Variants in NPAS2 observed in about 807,000 individuals in gnomAD.
NPAS2 encodes neuronal PAS domain protein 2.
A neutral mutation model predicts 107.5 loss-of-function variants in NPAS2; 23 were observed. The observed-to-expected ratio is 0.21, with a 90% CI of 0.15 to 0.30. NPAS2 has a LOEUF of 0.30. Among genes scored for constraint, NPAS2 ranks in the 10% least tolerant of loss-of-function variants. The pLI, the probability that NPAS2 is intolerant of heterozygous loss-of-function variation, is 1.00. For synonymous variants in NPAS2, 403 were observed against 417.5 expected (o/e 0.97, Z 0.42); for missense variants, 756 against 1,043.3 (o/e 0.72, Z 3.79).
rs1048079102 is a variant in NPAS2 at position 100,989,921 on chromosome 2, C to T, written c.1828-335C>T. 1.5e-5 allele frequency: 4 copies of T among 258,740 alleles called. No homozygotes were observed. In the East Asian group the frequency reaches 3.3e-4, roughly 21 times the overall value. 16.0% of individuals were successfully genotyped at this position (258,740 alleles called of 1,614,324 possible). On this transcript the variant is annotated intron_variant, in intron 17 of 20. Transcript: ENST00000335681. ...AGAGCATTCTACAGAGCAGTCAGCTCGTGCAAAGGCCCTAGGGCAGGAGTA... is the reference window on the plus strand; with the variant it reads ...AGAGCATTCTACAGAGCAGTCAGCTTGTGCAAAGGCCCTAGGGCAGGAGTA...
At chr2:100,922,749 A>T (rs1216392701) in intron 2 of NPAS2, among the ~76,000 whole-genome samples, 1 of 152,124 alleles carries the variant, frequency 6.6e-6, no homozygotes, top group Non-Finnish European at 1.5e-5. Context: ...TAGCAGTGGA[A>T]CCAGCTGACA....
chr2:100,985,263 C>T (rs998944095), intron 16 of NPAS2: 1 of 152,904 alleles, frequency 6.5e-6, no homozygotes, highest in African/African-American at 2.4e-5. Flanking sequence ...TCCATCCAGC[C>T]GCCATCTGTC....
At chr2:100,913,627 T>C (rs910568151) in intron 2 of NPAS2, among the ~76,000 whole-genome samples, 1 of 152,170 alleles carries the variant, frequency 6.6e-6, no homozygotes, top group African/African-American at 2.4e-5. Context: ...CTAGGAATGA[T>C]AGTTTTTCCC....
chr2:100,905,698 C>G (rs1393379569), intron 2 of NPAS2, among the ~76,000 whole-genome samples: 3 of 152,212 alleles, frequency 2.0e-5, no homozygotes, highest in African/African-American at 7.2e-5. Context: ...GCCTCTGCCA[C>G]TGCTTGTGTG....
At chr2:100,948,164 C>G (rs1009333746) in intron 5 of NPAS2, 71 bp from the exon 6 acceptor site, 134 of 1,555,756 alleles carry the variant, frequency 8.6e-5, no homozygotes, top group Non-Finnish European at 1.1e-4. Flanking sequence ...TGTGAATGTT[C>G]AATTTTTGTT....
At chr2:100,821,951 T>G (rs1037984910) in intron 1 of NPAS2, among the ~76,000 whole-genome samples, 1 of 152,248 alleles carries the variant, frequency 6.6e-6, no homozygotes, top group Non-Finnish European at 1.5e-5. Context: ...ACTTAAATAT[T>G]TAGTTAAAAA....
At chr2:100,910,054 T>C (rs1573600246) in intron 2 of NPAS2, among the ~76,000 whole-genome samples, 2 of 152,246 alleles carry the variant, frequency 1.3e-5, no homozygotes, top group South Asian at 2.1e-4. Context: ...AATGTCTTCG[T>C]TCAAGGAGAT....
At chr2:100,932,617 G>A (rs72973655) in intron 3 of NPAS2, among the ~76,000 whole-genome samples, 5 of 152,276 alleles carry the variant, frequency 3.3e-5, no homozygotes, top group African/African-American at 9.6e-5. Flanking sequence ...AACTGTTGAC[G>A]ATGGAGTTCG....
chr2:100,968,645 C>T lies in NPAS2; in HGVS notation c.1055+217C>T, dbSNP rs1173536162. Reference sequence around the variant, plus strand: ...TGGCTCTGCCCTCCCAGGGCTGAGACTCCTTTCAAGCTCTCAGTCAGGCCC... The same window carrying T: ...TGGCTCTGCCCTCCCAGGGCTGAGATTCCTTTCAAGCTCTCAGTCAGGCCC... On this transcript the variant is annotated intron_variant, in intron 11 of 20. Coordinates refer to ENST00000335681, the MANE Select transcript of NPAS2 (RefSeq NM_002518.4). This position sits in a 1 kb window ranked among gnomAD's most constrained non-coding sequence, Gnocchi z 5.3. 6.6e-6 allele frequency among the ~76,000 whole-genome samples: 1 copy of T among 152,166 alleles called. No individual in the cohort carries two copies. Among genetic ancestry groups the T allele is most frequent in the Non-Finnish European group, 1.5e-5 (1 of 68,034 alleles).
In NPAS2 at chr2:100,840,018, A is replaced by G. The variant is rs142022818; in HGVS notation, c.-23+19604A>G. On this transcript the variant is annotated intron_variant, in intron 1 of 20. Coordinates refer to ENST00000335681, the MANE Select transcript of NPAS2 (RefSeq NM_002518.4). ...GATTTTTCTCATCTATATTCAGGGA[A>G]TTTTATGCTTTACATGAACAGCAGA... Among the ~76,000 whole-genome samples the G allele has an allele frequency of 2.0e-5, 3 of 152,238 alleles. No homozygotes were observed. The East Asian group carries it at 5.8e-4, about 29-fold the overall frequency.
chr2:100,904,686 A>G (rs1049326510), intron 1 of NPAS2, 47 bp from the exon 2 acceptor site: 1 of 1,294,708 alleles, frequency 7.7e-7, no homozygotes, highest in Non-Finnish European at 1.1e-6. Flanking sequence ...ATGTAGAAGC[A>G]GACAGTAATT....
intron 4 of NPAS2, chr2:100,934,949 A>C: frequency 1.0e-6 from 1 of 985,388 alleles, no homozygotes; most frequent in Non-Finnish European, 1.2e-6. Flanking sequence ...CCCAGGAGAT[A>C]ACCCATCATG....
chr2:100,836,049 A>G (rs1294662581), intron 1 of NPAS2, among the ~76,000 whole-genome samples: 1 of 152,146 alleles, frequency 6.6e-6, no homozygotes, highest in African/African-American at 2.4e-5. Flanking sequence ...AGAGCATCCT[A>G]ACCCCACTCC....
intron 1 of NPAS2, among the ~76,000 whole-genome samples, chr2:100,872,076 G>T (rs1573511274): frequency 6.6e-6 from 1 of 152,308 alleles, no homozygotes; most frequent in East Asian, 1.9e-4. Context: ...CACTAGAGGA[G>T]TTCTCCTTTT....
chr2:100,986,758 A>C (rs1030841328), intron 16 of NPAS2: 6 of 152,244 alleles, frequency 3.9e-5, no homozygotes, highest in Non-Finnish European at 5.9e-5. Context: ...TGCTCTAACT[A>C]GATTTTTATT....
At chr2:100,918,657 C>T (rs1434486600) in intron 2 of NPAS2, among the ~76,000 whole-genome samples, 1 of 152,176 alleles carries the variant, frequency 6.6e-6, no homozygotes, top group Non-Finnish European at 1.5e-5. Context: ...TGTCCACTGC[C>T]ATTAGCCATT....
chr2:100,917,387 G>T (rs559823006), intron 2 of NPAS2, among the ~76,000 whole-genome samples: 4 of 152,072 alleles, frequency 2.6e-5, no homozygotes, highest in Non-Finnish European at 2.9e-5. Flanking sequence ...AATTAGCCAG[G>T]CGTGGTGGCG....
intron 16 of NPAS2, chr2:100,987,785 T>G: frequency 7.5e-6 from 3 of 400,656 alleles, no homozygotes; most frequent in East Asian, 4.6e-5. Context: ...GTACATCACA[T>G]TATTTAGAGA....
chr2:100,914,074 T>G (rs1682718137), intron 2 of NPAS2, among the ~76,000 whole-genome samples: 1 of 151,982 alleles, frequency 6.6e-6, no homozygotes, highest in South Asian at 2.1e-4. Flanking sequence ...AAGCATTGAG[T>G]ATGGTGTAAA....
Sources: gnomAD v4.1 joint callset for allele counts (sites outside exome capture counted in the v4.1 genomes callset) on GRCh38, gnomAD v4.1.1 for gene constraint, Gnocchi (gnomAD v3.1) non-coding constraint, MANE v1.5 for transcripts, NCBI Gene and HGNC (gene_info 2026-07-23, HGNC 2026-07-21) for gene names.